Variants in SIX4 observed in about 807,000 individuals in gnomAD.
The protein encoded by SIX4 is homeobox protein SIX4.
Under a neutral mutation model 51.5 loss-of-function variants are expected in SIX4, and 23 were observed. That is an observed-to-expected ratio of 0.45 (90% CI 0.32 to 0.63). SIX4 has a LOEUF of 0.63. SIX4 is among the 30% of genes least tolerant of loss of function. SIX4 has a pLI of 0.04. For missense variants in SIX4, 867 were observed against 984.0 expected (o/e 0.88, Z 1.59); for synonymous variants, 413 against 417.3 (o/e 0.99, Z 0.13).
At position 60,709,860 on chromosome 14, in the gene SIX4, C is replaced by G. The variant is rs1895792709; in HGVS notation, c.*3547G>C. On this transcript the variant is annotated 3_prime_UTR_variant, in exon 3 of 3. Coordinates refer to ENST00000216513, the MANE Select transcript of SIX4 (RefSeq NM_017420.5). The surrounding 1 kb of genome is among the most constrained non-coding windows in gnomAD (Gnocchi z 4.1). ...GCCTCTAAACATACAGTACATGCAACAAAATAATATTTTTGAGAACTCTGA... is the reference window on the plus strand; with the variant it reads ...GCCTCTAAACATACAGTACATGCAAGAAAATAATATTTTTGAGAACTCTGA... 1 of 152,494 alleles carries G rather than the reference C, an allele frequency of 6.6e-6. No individual in the cohort carries two copies. Among genetic ancestry groups the G allele is most frequent in the African/African-American group, 2.4e-5 (1 of 41,390 alleles). The allele number at this position is 152,494 out of a possible 1,614,324, so 9.4% of individuals were successfully genotyped here. A position where few individuals can be genotyped will look rare whatever the true frequency, so the allele number is the denominator to read the frequency against.
At position 60,717,733 on chromosome 14, in the gene SIX4, A is replaced by T. The variant is rs1002591277; in HGVS notation, c.1549+2027T>A. ...CATTACTTTGTAATGATAAGAAAAA[A>T]ATCAGGCCAGGCGCTGTGGCTCATG... On this transcript the variant is annotated intron_variant, in intron 2 of 2. Transcript: ENST00000216513. The surrounding 1 kb of genome is among the most constrained non-coding windows in gnomAD (Gnocchi z 4.6). Among the ~76,000 whole-genome samples, 1 of 152,184 alleles carries T rather than the reference A, an allele frequency of 6.6e-6. No homozygotes were observed. Among genetic ancestry groups the T allele is most frequent in the Non-Finnish European group, 1.5e-5 (1 of 68,032 alleles).
Position 60,714,105 on chromosome 14 carries a change from G to A in SIX4, c.1648C>T (p.Pro550Ser). Reference protein sequence around the residue: ...QGKVFLSSLAPSAVVYTVPNT... With the variant: ...QGKVFLSSLASSAVVYTVPNT... Reference sequence around the variant, plus strand: ...GGAACCGTGTATACCACTGCACTGGGAGCAAGAGAGCTCAAGAAAACCTTT... The same window carrying A: ...GGAACCGTGTATACCACTGCACTGGAAGCAAGAGAGCTCAAGAAAACCTTT... The change falls in exon 3 of 3, where the codon CCC becomes TCC. Residue 550 changes from proline to serine, a missense_variant. By Grantham distance (74) the Pro-to-Ser change is moderately conservative. Coordinates refer to ENST00000216513, the MANE Select transcript of SIX4 (RefSeq NM_017420.5). 6.2e-7 allele frequency: 1 copy of A among 1,614,038 alleles called. No homozygotes were observed. The highest frequency in any genetic ancestry group is 8.5e-7 in the Non-Finnish European group (1 of 1,180,026).
Position 60,719,304 on chromosome 14 carries a change from T to C in SIX4, c.1549+456A>G, listed in dbSNP as rs1895976767. ...GGATTCAAACATAATTGATCCGGTC[T>C]TTTTAGCTTGTTCTTCTAAAACATT... is the stretch of plus-strand genomic sequence containing the variant. On this transcript the variant is annotated intron_variant, in intron 2 of 2. Coordinates refer to ENST00000216513, the MANE Select transcript of SIX4 (RefSeq NM_017420.5). This position sits in a 1 kb window ranked among gnomAD's most constrained non-coding sequence, Gnocchi z 4.9. Among the ~76,000 whole-genome samples, 1 of 152,240 alleles carries C rather than the reference T, an allele frequency of 6.6e-6. No homozygotes were observed. Among genetic ancestry groups the C allele is most frequent in the Admixed American group, 6.5e-5 (1 of 15,284 alleles).
chr14:60,716,824 A>G (rs989388857), intron 2 of SIX4, among the ~76,000 whole-genome samples: 3 of 152,216 alleles, frequency 2.0e-5, no homozygotes, highest in Non-Finnish European at 4.4e-5. Context: ...AGGGCTGTTT[A>G]TGTCTTCCAA....
Position 60,713,548 on chromosome 14 carries a change from A to G in SIX4, c.2205T>C (p.Ser735=). Residue 735 remains serine (S), a synonymous_variant, in exon 3 of 3, where the codon AGT becomes AGC. Coordinates refer to ENST00000216513, the MANE Select transcript of SIX4 (RefSeq NM_017420.5). ...ATTTAGAGTCCAGCATCATTAAGCT[A>G]CTTGTTGCTTTGCTCTCAGAATTTG... is the stretch of plus-strand genomic sequence containing the variant. ...FLSNSESKAT[S]SLMMLDSKSK... The G allele has an allele frequency of 6.2e-7, 1 of 1,614,148 alleles. No individual in the cohort carries two copies. Among genetic ancestry groups the G allele is most frequent in the Non-Finnish European group, 8.5e-7 (1 of 1,180,022 alleles).
In SIX4 at chr14:60,710,389, A is replaced by G. The variant is rs1349730516; in HGVS notation, c.*3018T>C. ...AGTACAACACAGGTGCTCTTGCTTG[A>G]TTGAGGAACAAATGCACCTTCTCTT... On this transcript the variant is annotated 3_prime_UTR_variant, in exon 3 of 3. Coordinates refer to ENST00000216513, the MANE Select transcript of SIX4 (RefSeq NM_017420.5). The G allele has an allele frequency of 6.6e-6, 1 of 152,584 alleles. No individual in the cohort carries two copies. Among genetic ancestry groups the G allele is most frequent in the Non-Finnish European group, 1.5e-5 (1 of 68,040 alleles). 9.5% of individuals were successfully genotyped at this position (152,584 alleles called of 1,614,324 possible). A position where few individuals can be genotyped will look rare whatever the true frequency, so the allele number is the denominator to read the frequency against.
Position 60,719,924 on chromosome 14 carries a change from G to C in SIX4, c.1385C>G (p.Ala462Gly), listed in dbSNP as rs751157305. ...EVKREGIQTVASQDGGSVVTF... is the reference protein window; with the variant it reads ...EVKREGIQTVGSQDGGSVVTF... ...CACTACAGACCCTCCATCTTGGGAA[G>C]CCACTGTTTGAATGCCTTCTCTTTT... The change falls in exon 2 of 3, where the codon GCT becomes GGT. Residue 462 changes from alanine to glycine, a missense_variant. By Grantham distance (60) the Ala-to-Gly change is moderately conservative. Transcript: ENST00000216513. The surrounding 1 kb of genome is among the most constrained non-coding windows in gnomAD (Gnocchi z 4.9). The C allele has an allele frequency of 6.2e-7, 1 of 1,614,218 alleles. No homozygotes were observed. The highest frequency in any genetic ancestry group is 8.5e-7 in the Non-Finnish European group (1 of 1,180,042).
At position 60,713,993 on chromosome 14, in the gene SIX4, T is replaced by G; in HGVS notation, c.1760A>C (p.Asn587Thr). 3 of 1,614,190 alleles carry G rather than the reference T, an allele frequency of 1.9e-6. No individual in the cohort carries two copies. Among genetic ancestry groups the G allele is most frequent in the Admixed American group, 1.7e-5 (1 of 60,016 alleles). ...AGACAGGTTTGCATTTACTTGTGCA[T>G]TCTGATTGACAGGCATCAACTGAGA... Reference protein sequence around the residue: ...VFSQLMPVNQNAQVNANLSSE... With the variant: ...VFSQLMPVNQTAQVNANLSSE... Residue 587 changes from asparagine to threonine, a missense_variant, in exon 3 of 3, where the codon AAT becomes ACT. Asn to Thr is a moderately conservative substitution (Grantham distance 65). Coordinates refer to ENST00000216513, the MANE Select transcript of SIX4 (RefSeq NM_017420.5).
Position 60,719,055 on chromosome 14 carries a change from A to G in SIX4, c.1549+705T>C, listed in dbSNP as rs1228429854. 6.6e-6 allele frequency among the ~76,000 whole-genome samples: 1 copy of G among 152,220 alleles called. No homozygotes were observed. The highest frequency in any genetic ancestry group is 2.4e-5 in the African/African-American group (1 of 41,462). ...ATCCAGGCTTGCTTAAAGTCAGTGA[A>G]GAACTAATATATCAGCCTCAGTTTT... On this transcript the variant is annotated intron_variant, in intron 2 of 2. Coordinates refer to ENST00000216513, the MANE Select transcript of SIX4 (RefSeq NM_017420.5). The surrounding 1 kb of genome is among the most constrained non-coding windows in gnomAD (Gnocchi z 4.9).
In SIX4 at chr14:60,723,624, C is replaced by A. The variant is rs1368283775; in HGVS notation, c.451G>T (p.Ala151Ser). 1 of 1,606,778 alleles carries A rather than the reference C, an allele frequency of 6.2e-7. No homozygotes were observed. Among genetic ancestry groups the A allele is most frequent in the Non-Finnish European group, 8.5e-7 (1 of 1,177,248 alleles). Residue 151 changes from alanine to serine, a missense_variant, in exon 1 of 3, where the codon GCG (alanine) becomes TCG (serine). Coordinates refer to ENST00000216513, the MANE Select transcript of SIX4 (RefSeq NM_017420.5). Reference sequence around the variant, plus strand: ...TGGTGGAAGGCCACGAGCGCCCGCGCCTTCAGCAGGCTCTCGTTGCCACGT... The same window carrying A: ...TGGTGGAAGGCCACGAGCGCCCGCGACTTCAGCAGGCTCTCGTTGCCACGT... ...LLRGNESLLK[A>S]RALVAFHQGI... is the part of the protein sequence containing the mutation.
At chr14:60,716,783 A>G (rs1895928581) in intron 2 of SIX4, among the ~76,000 whole-genome samples, 1 of 152,212 alleles carries the variant, frequency 6.6e-6, no homozygotes, top group Non-Finnish European at 1.5e-5. Flanking sequence ...TTGTGATTAT[A>G]TTATCACCTC....
Position 60,724,022 on chromosome 14 carries a change from T to A in SIX4, c.53A>T (p.Gln18Leu). Residue 18 changes from glutamine (Q) to leucine (L), a missense_variant, in exon 1 of 3, where the codon CAA (glutamine) becomes CTA (leucine). Coordinates refer to ENST00000216513, the MANE Select transcript of SIX4 (RefSeq NM_017420.5). Reference sequence around the variant, plus strand: ...CGAGGCGCTTTCCATCCCATTCTCTTGCTTGATGTCCGCCGCACTTGCGAT... The same window carrying A: ...CGAGGCGCTTTCCATCCCATTCTCTAGCTTGATGTCCGCCGCACTTGCGAT... ...GQIASAADIK[Q>L]ENGMESASEG... 1 of 1,526,668 alleles carries A rather than the reference T, an allele frequency of 6.6e-7. No individual in the cohort carries two copies. Among genetic ancestry groups the A allele is most frequent in the Non-Finnish European group, 8.8e-7 (1 of 1,138,334 alleles). The allele number at this position is 1,526,668 out of a possible 1,614,324, so 94.6% of individuals were successfully genotyped here. A position where few individuals can be genotyped will look rare whatever the true frequency, so the allele number is the denominator to read the frequency against.
rs1269021662 is a variant in SIX4, at chr14:60,723,943, G to A, written c.132C>T (p.Ser44=). ...GGGGAAAAGGGGCTGGAGCCGGGGG[G>A]CTCAGCCCTACCGCCGCGCCCCCCG... ...EVAGGAAVGL[S]PPAPAPFPLE... is the part of the protein sequence containing the mutation. The change falls in exon 1 of 3, where the codon AGC becomes AGT. Residue 44 remains serine (S), a synonymous_variant. Coordinates refer to ENST00000216513, the MANE Select transcript of SIX4 (RefSeq NM_017420.5). 13 of 1,511,636 alleles carry A rather than the reference G, an allele frequency of 8.6e-6. No individual in the cohort carries two copies. Among genetic ancestry groups the A allele is most frequent in the African/African-American group, 1.4e-5 (1 of 70,414 alleles). The allele number at this position is 1,511,636 out of a possible 1,614,324, so 93.6% of individuals were successfully genotyped here. A position where few individuals can be genotyped will look rare whatever the true frequency, so the allele number is the denominator to read the frequency against.
chr14:60,710,956 A>G lies in SIX4; in HGVS notation c.*2451T>C, dbSNP rs8017327. The G allele has an allele frequency of 0.88, 133,944 of 151,674 alleles. 60,400 individuals are homozygous for G. The highest frequency in any genetic ancestry group is 0.98 in the Non-Finnish European group (66,372 of 67,894). 9.4% of individuals were successfully genotyped at this position (151,674 alleles called of 1,614,324 possible). A position where few individuals can be genotyped will look rare whatever the true frequency, so the allele number is the denominator to read the frequency against. ...TCATAAGGGAGAAAAGAGGAAGAAC[A>G]CTGAATAAAAGAGAGGCTTATTGTA... On this transcript the variant is annotated 3_prime_UTR_variant, in exon 3 of 3. Coordinates refer to ENST00000216513, the MANE Select transcript of SIX4 (RefSeq NM_017420.5).
intron 1 of SIX4, among the ~76,000 whole-genome samples, chr14:60,721,409 G>A (rs1384478987): frequency 6.6e-6 from 1 of 152,214 alleles, no homozygotes; most frequent in African/African-American, 2.4e-5. Flanking sequence ...CGACATCCCC[G>A]CAGTGCCCCG....
chr14:60,722,453 C>A lies in SIX4; in HGVS notation c.863+759G>T, dbSNP rs1399771427. 6.6e-6 allele frequency among the ~76,000 whole-genome samples: 1 copy of A among 152,114 alleles called. No individual in the cohort carries two copies. Among genetic ancestry groups the A allele is most frequent in the Admixed American group, 6.5e-5 (1 of 15,276 alleles). On this transcript the variant is annotated intron_variant, in intron 1 of 2. Coordinates refer to ENST00000216513, the MANE Select transcript of SIX4 (RefSeq NM_017420.5). The surrounding 1 kb of genome is among the most constrained non-coding windows in gnomAD (Gnocchi z 5.9). ...GTTCGGGGGCCGAGGGAGGAAGCAG[C>A]CCTTCAGCCCTGCTACCCCGGCTGC...
At position 60,713,192 on chromosome 14, in the gene SIX4, G is replaced by C; in HGVS notation, c.*215C>G. 2.1e-6 allele frequency: 1 copy of C among 468,336 alleles called. No individual in the cohort carries two copies. Among genetic ancestry groups the C allele is most frequent in the Non-Finnish European group, 3.7e-6 (1 of 270,746 alleles). 29.0% of individuals were successfully genotyped at this position (468,336 alleles called of 1,614,324 possible). A position where few individuals can be genotyped will look rare whatever the true frequency, so the allele number is the denominator to read the frequency against. On this transcript the variant is annotated 3_prime_UTR_variant, in exon 3 of 3. Coordinates refer to ENST00000216513, the MANE Select transcript of SIX4 (RefSeq NM_017420.5). ...GTCCTTTGTCTCCATCTATTTAAAA[G>C]AGAAATTTATAAGTGAACAAAAAGG...
rs765878856 is a variant in SIX4 at position 60,722,431 on chromosome 14, C to CG, written c.863+780dup. Among the ~76,000 whole-genome samples the CG allele has an allele frequency of 3.0e-4, 45 of 152,230 alleles. No individual in the cohort carries two copies. The highest frequency in any genetic ancestry group is 1.9e-4 in the East Asian group (1 of 5,162). ...TACCAGGAGGGAGCCAAGCAGCGTTCGGGGGCCGAGGGAGGAAGCAGCCCT... is the reference window on the plus strand; with the variant it reads ...TACCAGGAGGGAGCCAAGCAGCGTTCGGGGGGCCGAGGGAGGAAGCAGCCCT... On this transcript the variant is annotated intron_variant, in intron 1 of 2. Coordinates refer to ENST00000216513, the MANE Select transcript of SIX4 (RefSeq NM_017420.5). This position sits in a 1 kb window ranked among gnomAD's most constrained non-coding sequence, Gnocchi z 5.9.
rs752878777 is a variant in SIX4, at chr14:60,720,241, A to G, written c.1068T>C (p.Pro356=). The G allele has an allele frequency of 9.3e-6, 15 of 1,614,246 alleles. No individual in the cohort carries two copies. The highest frequency in any genetic ancestry group is 1.3e-5 in the Non-Finnish European group (15 of 1,180,040). ...TAAGGAAGACAGGTGAAGTACTTGC[A>G]GGTACCAAGCTTCCATTCAACAGAA... The part of the protein sequence containing the change: ...SGVLLNGSLV[P]ASTSPVFLNG... Residue 356 remains proline, a synonymous_variant, in exon 2 of 3, where the codon CCT becomes CCC. Transcript: ENST00000216513. The surrounding 1 kb of genome is among the most constrained non-coding windows in gnomAD (Gnocchi z 5.5).
Sources: gnomAD v4.1 joint callset for allele counts (sites outside exome capture counted in the v4.1 genomes callset) on GRCh38, gnomAD v4.1.1 for gene constraint, Gnocchi (gnomAD v3.1) non-coding constraint, MANE v1.5 for transcripts, NCBI Gene and HGNC (gene_info 2026-07-23, HGNC 2026-07-21) for gene names.